PRAG1: variants seen among roughly 807,000 people sequenced by gnomAD.
PRAG1 encodes the protein PEAK1 related, kinase-activating pseudokinase 1.
A neutral mutation model predicts 95.6 loss-of-function variants in PRAG1; 110 were observed. The ratio of observed to expected loss-of-function variants is 1.15; its 90% confidence interval spans 0.99 to 1.35. The LOEUF (loss-of-function observed/expected upper bound fraction) is 1.35. PRAG1 is among the 40% of genes most tolerant of loss of function. The probability of loss-of-function intolerance (pLI) is 0.00; values close to 1 mark genes in which losing one functional copy is unlikely to be tolerated. For missense variants in PRAG1, 2,554 were observed against 1,864.7 expected, an observed-to-expected ratio of 1.37 and a Z score of -6.81; for synonymous variants, 1,052 against 819.4, an observed-to-expected ratio of 1.28 and a Z score of -4.85.
rs1585278289 is a variant in PRAG1 at position 8,377,160 on chromosome 8, T to G, written c.1249A>C (p.Thr417Pro). ...TQPEPIYAES[T>P]KRKKAAPVPS... is the part of the protein sequence containing the mutation. ...ACCGGAGCTGCCTTCTTCCTCTTGG[T>G]GCTCTCAGCATAGATGGGTTCAGGC... The change falls in exon 3 of 6, where the codon ACC (threonine) becomes CCC (proline). Residue 417 changes from threonine to proline, a missense_variant. Thr to Pro is a conservative substitution (Grantham distance 38, BLOSUM62 -1). Coordinates refer to ENST00000615670, the MANE Select transcript of PRAG1 (RefSeq NM_001080826.3). 6.2e-7 allele frequency: 1 copy of G among 1,612,102 alleles called. No individual in the cohort carries two copies. Among genetic ancestry groups the G allele is most frequent in the Non-Finnish European group, 8.5e-7 (1 of 1,179,978 alleles).
intron 2 of PRAG1, 48 bp from the exon 3 acceptor site, chr8:8,378,126 G>C: frequency 6.7e-7 from 1 of 1,499,992 alleles, no homozygotes; most frequent in Non-Finnish European, 8.8e-7. Flanking sequence ...ACTTGTCATA[G>C]AAAAAAGAGA....
chr8:8,375,243 G>T (rs1295315214), intron 3 of PRAG1, among the ~76,000 whole-genome samples: 1 of 146,140 alleles, frequency 6.8e-6, no homozygotes, highest in East Asian at 2.0e-4. Flanking sequence ...TCACTCTGTC[G>T]CCCAGGCTGG....
intron 3 of PRAG1, among the ~76,000 whole-genome samples, chr8:8,345,517 A>T (rs144496216): frequency 1.2e-4 from 18 of 152,298 alleles, no homozygotes; most frequent in African/African-American, 4.3e-4. Flanking sequence ...AAGGCTGGGC[A>T]CAGTGGCTCA....
intron 5 of PRAG1, among the ~76,000 whole-genome samples, chr8:8,320,115 A>G (rs750732446): frequency 1.5e-4 from 23 of 152,206 alleles, no homozygotes; most frequent in Non-Finnish European, 3.4e-4. Context: ...GTCGGGAGGT[A>G]TTGGTAGGAA....
At position 8,376,826 on chromosome 8, in the gene PRAG1, C is replaced by A; in HGVS notation, c.1583G>T (p.Ser528Ile). The A allele has an allele frequency of 6.2e-7, 1 of 1,612,394 alleles. No individual in the cohort carries two copies. The highest frequency in any genetic ancestry group is 1.1e-5 in the South Asian group (1 of 91,046). ...GCTCTCGCTGGCACTGTGAGCATGGCTTTCCCTGGAGCTCAGCCCCTGCCC... is the reference window on the plus strand; with the variant it reads ...GCTCTCGCTGGCACTGTGAGCATGGATTTCCCTGGAGCTCAGCCCCTGCCC... ...SAGQGLSSRESHAHSASESKP... is the reference protein window; with the variant it reads ...SAGQGLSSREIHAHSASESKP... Residue 528 changes from serine (S) to isoleucine (I), a missense_variant, in exon 3 of 6, where the codon AGC (serine) becomes ATC (isoleucine). Transcript: ENST00000615670.
intron 5 of PRAG1, among the ~76,000 whole-genome samples, chr8:8,327,205 A>C (rs1298667711): frequency 6.6e-6 from 1 of 152,216 alleles, no homozygotes; most frequent in Non-Finnish European, 1.5e-5. Flanking sequence ...TCTTATATTC[A>C]TACTACAAAT....
At chr8:8,335,572 G>A (rs980276368) in intron 4 of PRAG1, among the ~76,000 whole-genome samples, 45 of 152,046 alleles carry the variant, frequency 3.0e-4, no homozygotes, top group African/African-American at 8.9e-4. Context: ...GACTTTATTG[G>A]AACAATAATA....
intron 2 of PRAG1, among the ~76,000 whole-genome samples, chr8:8,379,465 G>A (rs1445886880): frequency 1.3e-5 from 2 of 152,198 alleles, no homozygotes; most frequent in Non-Finnish European, 2.9e-5. Context: ...GGTGAAGGTT[G>A]AAGGTATTGA....
intron 3 of PRAG1, among the ~76,000 whole-genome samples, chr8:8,341,672 C>T (rs1378449714): frequency 6.6e-6 from 1 of 152,148 alleles, no homozygotes; most frequent in Non-Finnish European, 1.5e-5. Context: ...CTTAATTAAG[C>T]CATCCTTGCA....
At chr8:8,350,286 G>T (rs1390876515) in intron 3 of PRAG1, among the ~76,000 whole-genome samples, 1 of 152,118 alleles carries the variant, frequency 6.6e-6, no homozygotes, top group Non-Finnish European at 1.5e-5. Context: ...CAGGGAGATG[G>T]AGCTGCTGAT....
At chr8:8,357,807 G>A (rs1012887522) in intron 3 of PRAG1, among the ~76,000 whole-genome samples, 9 of 152,174 alleles carry the variant, frequency 5.9e-5, no homozygotes, top group African/African-American at 2.2e-4. Context: ...ATTAACAGAC[G>A]AATGAATAAA....
At chr8:8,350,895 AATGGATGG>A (rs61665217) in intron 3 of PRAG1, among the ~76,000 whole-genome samples, 26,299 of 149,380 alleles carry the variant, frequency 0.18, 2,340 homozygotes, top group East Asian at 0.27. Context: ...GTGCTCGTTA[AATGGATGG>A]ATGGATGGAT....
chr8:8,318,225 A>C lies in PRAG1; in HGVS notation c.4150T>G (p.Cys1384Gly), dbSNP rs1798339834. 1 of 1,614,040 alleles carries C rather than the reference A, an allele frequency of 6.2e-7. No homozygotes were observed. The highest frequency in any genetic ancestry group is 8.5e-7 in the Non-Finnish European group (1 of 1,180,022). ...TCCGCAGACGCCAGGTACTGGCAGC[A>C]AAGCCAGTCCTCCAGCTCCACGCCC... ...RRGVELEDWL[C>G]CQYLASAEPG... Residue 1384 changes from cysteine to glycine, a missense_variant, in exon 6 of 6, where the codon TGC becomes GGC. Transcript: ENST00000615670. This position sits in a 1 kb window ranked among gnomAD's most constrained non-coding sequence, Gnocchi z 4.2.
intron 3 of PRAG1, among the ~76,000 whole-genome samples, chr8:8,346,788 G>A (rs1195007556): frequency 6.6e-6 from 1 of 152,164 alleles, no homozygotes; most frequent in Non-Finnish European, 1.5e-5. Context: ...GTGTGATTGA[G>A]GCCGATTTTC....
rs1419843183 is a variant in PRAG1 at position 8,377,905 on chromosome 8, C to T, written c.504G>A (p.Glu168=). 1.2e-6 allele frequency: 2 copies of T among 1,614,054 alleles called. No individual in the cohort carries two copies. The highest frequency in any genetic ancestry group is 1.1e-5 in the South Asian group (1 of 91,082). ...AGGCAATGTTCCTCTCGCCGCGGGG[C>T]TCAAGGTTGTGCAGGCCGACCATGG... The part of the protein sequence containing the change: ...AYTMVGLHNL[E]PRGERNIAFH... Residue 168 remains glutamate (E), a synonymous_variant, in exon 3 of 6, where the codon GAG becomes GAA. Transcript: ENST00000615670.
chr8:8,379,978 T>C (rs1190554035), intron 2 of PRAG1, among the ~76,000 whole-genome samples: 1 of 152,198 alleles, frequency 6.6e-6, no homozygotes, highest in East Asian at 1.9e-4. Context: ...TGGTGGCTTA[T>C]GCCTATAATC....
intron 3 of PRAG1, among the ~76,000 whole-genome samples, chr8:8,350,597 C>G (rs759820816): frequency 1.3e-5 from 2 of 152,210 alleles, no homozygotes; most frequent in African/African-American, 4.8e-5. Flanking sequence ...CTGGGAAGAA[C>G]AATGATGCTA....
intron 2 of PRAG1, among the ~76,000 whole-genome samples, chr8:8,378,686 C>G (rs1423647767): frequency 6.6e-6 from 1 of 151,954 alleles, no homozygotes; most frequent in Non-Finnish European, 1.5e-5. Flanking sequence ...ATGGCCAAAT[C>G]CCATCTCTAC....
In PRAG1 at chr8:8,327,594, G is replaced by T. The variant is rs1798671461; in HGVS notation, c.3072+116C>A. The T allele has an allele frequency of 1.0e-5, 12 of 1,185,490 alleles. No individual in the cohort carries two copies. The South Asian group carries it at 1.2e-4, about 12-fold the overall frequency. The allele number at this position is 1,185,490 out of a possible 1,614,324, so 73.4% of individuals were successfully genotyped here. On this transcript the variant is annotated intron_variant, in intron 5 of 5. Transcript: ENST00000615670. ...TTACAAGAAAAAAAAGAATGCTTAG[G>T]AATCAACTCCCCTCCTAATGCCCAG...
Sources: allele counts gnomAD v4.1 joint callset (sites outside exome capture counted in the v4.1 genomes callset), GRCh38; gene constraint gnomAD v4.1.1; non-coding constraint Gnocchi (gnomAD v3.1); transcripts MANE v1.5; gene names NCBI Gene and HGNC (gene_info 2026-07-23, HGNC 2026-07-21).